The following ZNF534 variants were observed in gnomAD, a reference collection of about 807,000 sequenced individuals.
ZNF534 encodes KRAB domain only 3.
ZNF534 carries 19 observed loss-of-function variants against 13.6 expected under a neutral mutation model. That is an observed-to-expected ratio of 1.40 (90% CI 0.97 to 2.05). The LOEUF is 2.05. Among genes scored for constraint, ZNF534 ranks in the 30% most tolerant of loss-of-function variants. ZNF534 has a pLI of 0.00. For missense variants in ZNF534, 782 were observed against 796.3 expected (o/e 0.98, Z 0.22); for synonymous variants, 244 against 273.8 (o/e 0.89, Z 1.07).
At chr19:52,444,665 G>A (rs1011904431), downstream of ZNF534, among the ~76,000 whole-genome samples, 13 of 152,026 alleles carry the variant, frequency 8.6e-5, no homozygotes, top group African/African-American at 2.9e-4. Context: ...TCCTTGGCAG[G>A]TCTTGGTACT....
chr19:52,431,969 A>G (rs1363551201), intron 2 of ZNF534, among the ~76,000 whole-genome samples: 1 of 151,646 alleles, frequency 6.6e-6, no homozygotes, highest in Non-Finnish European at 1.5e-5. Context: ...GTGTTAGTAT[A>G]TATATGTGTA....
chr19:52,440,778 C>CAAA lies in ZNF534; in HGVS notation c.*1344_*1346dup, dbSNP rs58012543. On this transcript the variant is annotated 3_prime_UTR_variant, in exon 5 of 5. Coordinates refer to ENST00000433050, the MANE Select transcript of ZNF534 (RefSeq NM_001143938.3). ...CCTGTGTGACAGTGAGATTCTGTCT[C>CAAA]AAAAAAAAAAAAAAGAATTCATACT... is the stretch of plus-strand genomic sequence containing the variant. 1.5e-5 allele frequency among the ~76,000 whole-genome samples: 2 copies of CAAA among 137,612 alleles called. No homozygotes were observed. Among genetic ancestry groups the CAAA allele is most frequent in the Non-Finnish European group, 3.2e-5 (2 of 63,170 alleles). The allele number at this position is 137,612 out of a possible 152,430, so 90.3% of individuals were successfully genotyped here. A position where few individuals can be genotyped will look rare whatever the true frequency, so the allele number is the denominator to read the frequency against.
Position 52,450,670 on chromosome 19 carries a change from G to GTTTTTTTTTTTTT in ZNF534, c.272-515_272-503dup, listed in dbSNP as rs796423133. On this transcript the variant is annotated intron_variant, in intron 4 of 4. Coordinates refer to the ZNF534 transcript ENST00000301085. ...CCGTAGTTCCCTATGAATTTTAGGA[G>GTTTTTTTTTTTTT]TTTTTTTTTTTTTTGTTTTTGTTTT... 5.3e-5 allele frequency among the ~76,000 whole-genome samples: 2 copies of GTTTTTTTTTTTTT among 37,768 alleles called. 1 individual carries two copies. Among genetic ancestry groups the GTTTTTTTTTTTTT allele is most frequent in the African/African-American group, 1.7e-4 (2 of 11,906 alleles). The allele number at this position is 37,768 out of a possible 152,430, so 24.8% of individuals were successfully genotyped here. A position where few individuals can be genotyped will look rare whatever the true frequency, so the allele number is the denominator to read the frequency against.
chr19:52,450,097 G>A (rs900103073), intron 4 of ZNF534, among the ~76,000 whole-genome samples: 1 of 152,186 alleles, frequency 6.6e-6, no homozygotes, highest in African/African-American at 2.4e-5. Flanking sequence ...AGGATAGACT[G>A]TAAATATTTT....
At chr19:52,429,495 T>G (rs1299618488) in intron 1 of ZNF534, among the ~76,000 whole-genome samples, 1 of 143,006 alleles carries the variant, frequency 7.0e-6, no homozygotes, top group African/African-American at 2.9e-5. Context: ...TCATTTTTTG[T>G]AATTATTCAG....
Position 52,435,909 on chromosome 19 carries a change from A to C in ZNF534, c.271+700A>C, listed in dbSNP as rs73588042. On this transcript the variant is annotated intron_variant, in intron 4 of 4. Transcript: ENST00000433050. ...AGTTTTACTAAATATAGTATTCTTC[A>C]TTGATGTTTTTCTTATTTTTCTTCT... 2.4e-3 allele frequency among the ~76,000 whole-genome samples: 338 copies of C among 142,572 alleles called. 1 individual carries two copies. The highest frequency in any genetic ancestry group is 8.3e-3 in the African/African-American group (317 of 38,332). The allele number at this position is 142,572 out of a possible 152,430, so 93.5% of individuals were successfully genotyped here. A position where few individuals can be genotyped will look rare whatever the true frequency, so the allele number is the denominator to read the frequency against.
chr19:52,451,377 A>G, exon 5 of ZNF534: 1 of 895,170 alleles, frequency 1.1e-6, no homozygotes, highest in Non-Finnish European at 1.8e-6. Context: ...GGCTCACGGC[A>G]GAGGGCCGAG....
In ZNF534 at chr19:52,440,990, C is replaced by T. The variant is rs1433683885; in HGVS notation, c.*1544C>T. ...AATCTCAGCTCACTGCAACCGCCACCTCCTAGGTTCAAGCAATTCTCCTGC... is the reference window on the plus strand; with the variant it reads ...AATCTCAGCTCACTGCAACCGCCACTTCCTAGGTTCAAGCAATTCTCCTGC... On this transcript the variant is annotated 3_prime_UTR_variant, in exon 5 of 5. Transcript: ENST00000433050. Among the ~76,000 whole-genome samples the T allele has an allele frequency of 3.3e-5, 5 of 151,924 alleles. No individual in the cohort carries two copies. The highest frequency in any genetic ancestry group is 1.5e-5 in the Non-Finnish European group (1 of 67,994).
Position 52,438,754 on chromosome 19 carries a change from C to G in ZNF534, c.1294C>G (p.His432Asp). 6.2e-7 allele frequency: 1 copy of G among 1,601,874 alleles called. No individual in the cohort carries two copies. Among genetic ancestry groups the G allele is most frequent in the Non-Finnish European group, 8.5e-7 (1 of 1,173,742 alleles). The change falls in exon 5 of 5, where the codon CAT (histidine) becomes GAT (aspartate). Residue 432 changes from histidine (H) to aspartate (D), a missense_variant. Physicochemically the swap from His to Asp is moderately conservative, Grantham distance 81. Coordinates refer to ENST00000433050, the MANE Select transcript of ZNF534 (RefSeq NM_001143938.3). ...CSDLTAHLLI[H>D]TGEKPYECID... is the part of the protein sequence containing the mutation. ...AGATCTCACTGCCCATCTTCTAATC[C>G]ATACTGGAGAGAAACCTTACGAATG...
chr19:52,445,722 C>A (rs2059192390), downstream of ZNF534, among the ~76,000 whole-genome samples: 1 of 11,938 alleles, frequency 8.4e-5, no homozygotes, highest in Non-Finnish European at 2.0e-4. Context: ...TCCTAATTTA[C>A]TCTTGCAGTC....
In ZNF534 at chr19:52,439,549, C is replaced by T. The variant is rs369497724; in HGVS notation, c.*103C>T. The T allele has an allele frequency of 3.8e-6, 4 of 1,054,398 alleles. No individual in the cohort carries two copies. In the African/African-American group the frequency reaches 6.5e-5, roughly 17 times the overall value. The allele number at this position is 1,054,398 out of a possible 1,614,324, so 65.3% of individuals were successfully genotyped here. On this transcript the variant is annotated 3_prime_UTR_variant, in exon 5 of 5. Coordinates refer to ENST00000433050, the MANE Select transcript of ZNF534 (RefSeq NM_001143938.3). ...ATGAGGTCAGGAGATTGAGACCATC[C>T]TGGCTAACACGGTGAAACCCCATCT...
chr19:52,446,867 C>T (rs1360826280), downstream of ZNF534, among the ~76,000 whole-genome samples: 2 of 152,064 alleles, frequency 1.3e-5, no homozygotes, highest in African/African-American at 2.4e-5. Context: ...CACACACAGA[C>T]GTACAATTTA....
chr19:52,431,464 G>A lies in ZNF534; in HGVS notation c.-11G>A. On this transcript the variant is annotated 5_prime_UTR_variant, in exon 2 of 5. Coordinates refer to ENST00000433050, the MANE Select transcript of ZNF534 (RefSeq NM_001143938.3). Reference sequence around the variant, plus strand: ...GAAGCAACTCGGAAGAGGAAAGAAAGGAAGTCAGGAATGGCCCTTACTCAG... The same window carrying A: ...GAAGCAACTCGGAAGAGGAAAGAAAAGAAGTCAGGAATGGCCCTTACTCAG... The A allele has an allele frequency of 6.2e-7, 1 of 1,614,042 alleles. No individual in the cohort carries two copies. Among genetic ancestry groups the A allele is most frequent in the South Asian group, 1.1e-5 (1 of 91,070 alleles).
At chr19:52,446,027 A>G (rs979740566), downstream of ZNF534, among the ~76,000 whole-genome samples, 2 of 152,192 alleles carry the variant, frequency 1.3e-5, no homozygotes, top group African/African-American at 4.8e-5. Flanking sequence ...GGTTCTGTAT[A>G]ATTATGAAAA....
intron 2 of ZNF534, among the ~76,000 whole-genome samples, chr19:52,432,994 G>A (rs2059098757): frequency 6.6e-6 from 1 of 152,058 alleles, no homozygotes; most frequent in African/African-American, 2.4e-5. Context: ...TGTAATCCCA[G>A]CATTTTTGGA....
rs1362205137 is a variant in ZNF534, at chr19:52,439,026, C to T, written c.1566C>T (p.Tyr522=). The T allele has an allele frequency of 2.5e-6, 4 of 1,600,148 alleles. No homozygotes were observed. The South Asian group carries it at 4.5e-5, about 18-fold the overall frequency. The change falls in exon 5 of 5, where the codon TAC becomes TAT. Residue 522 remains tyrosine (Y), a synonymous_variant. Transcript: ENST00000433050. ...HRDIHTGEKP[Y]SCNECGKVFR... Reference sequence around the variant, plus strand: ...ATATTCATACTGGAGAGAAGCCTTACAGTTGTAATGAATGTGGCAAGGTCT... The same window carrying T: ...ATATTCATACTGGAGAGAAGCCTTATAGTTGTAATGAATGTGGCAAGGTCT...
downstream of ZNF534, among the ~76,000 whole-genome samples, chr19:52,444,998 T>C (rs1340114692): frequency 6.6e-6 from 1 of 152,152 alleles, no homozygotes; most frequent in Non-Finnish European, 1.5e-5. Context: ...GGATTCACGC[T>C]CTTCCATGAG....
downstream of ZNF534, among the ~76,000 whole-genome samples, chr19:52,442,591 G>A (rs554356365): frequency 8.5e-5 from 13 of 152,238 alleles, no homozygotes; most frequent in East Asian, 1.7e-3. Flanking sequence ...CTCTAGCACC[G>A]CTGGGTTAGG....
At chr19:52,446,019 T>A (rs73053319), downstream of ZNF534, among the ~76,000 whole-genome samples, 6,589 of 152,208 alleles carry the variant, frequency 0.043, 223 homozygotes, top group Non-Finnish European at 0.069. Flanking sequence ...ATGAACTAGG[T>A]TCTGTATAAT....
Sources: gnomAD v4.1 joint callset for allele counts (sites outside exome capture counted in the v4.1 genomes callset) on GRCh38, gnomAD v4.1.1 for gene constraint, MANE v1.5 for transcripts, NCBI Gene and HGNC (gene_info 2026-07-23, HGNC 2026-07-21) for gene names.